The following TMOD2 variants were observed in gnomAD, a reference collection of about 807,000 sequenced individuals.
TMOD2 encodes tropomodulin-2.
Under a neutral mutation model 39.9 loss-of-function variants are expected in TMOD2, and 22 were observed. The ratio of observed to expected loss-of-function variants is 0.55; its 90% CI spans 0.39 to 0.79. TMOD2 has a LOEUF of 0.79. TMOD2 is among the 30% of genes least tolerant of loss of function. The pLI, the probability that TMOD2 is intolerant of heterozygous loss-of-function variation, is 0.00. For missense variants in TMOD2, 386 were observed against 413.3 expected, an observed-to-expected ratio of 0.93 and a Z score of 0.57; for synonymous variants, 123 against 146.1, an observed-to-expected ratio of 0.84 and a Z score of 1.14.
chr15:51,770,915 A>G (rs1040105480), intron 3 of TMOD2, among the ~76,000 whole-genome samples: 1 of 152,246 alleles, frequency 6.6e-6, no homozygotes, highest in Non-Finnish European at 1.5e-5. Context: ...TTGCTGTTGG[A>G]CTAATTTAAT....
At chr15:51,762,913 G>C (rs531708953) in intron 1 of TMOD2, among the ~76,000 whole-genome samples, 13 of 152,230 alleles carry the variant, frequency 8.5e-5, no homozygotes, top group African/African-American at 3.1e-4. Context: ...ATTCCATTAT[G>C]TGGATATACG....
intron 8 of TMOD2, among the ~76,000 whole-genome samples, chr15:51,801,276 CACACACACCCTG>C (rs1567247746): frequency 7.2e-6 from 1 of 138,760 alleles, no homozygotes; most frequent in Non-Finnish European, 1.6e-5. Flanking sequence ...CACACACACA[CACACACACCCTG>C]TCTCTCTCTC....
chr15:51,769,148 T>G (rs1477196295), intron 3 of TMOD2, among the ~76,000 whole-genome samples: 1 of 152,222 alleles, frequency 6.6e-6, no homozygotes, highest in Non-Finnish European at 1.5e-5. Flanking sequence ...GGCTAACTGC[T>G]TATGGTGTGA....
intron 5 of TMOD2, among the ~76,000 whole-genome samples, 168 bp downstream of exon 5, chr15:51,777,186 A>G (rs1472329987): frequency 6.6e-6 from 1 of 152,234 alleles, no homozygotes; most frequent in Non-Finnish European, 1.5e-5. Context: ...TGAGAGCTCC[A>G]TCTGGCGGTG....
At chr15:51,808,106 G>T (rs116175193) in intron 9 of TMOD2, among the ~76,000 whole-genome samples, 2 of 152,158 alleles carry the variant, frequency 1.3e-5, no homozygotes, top group Non-Finnish European at 2.9e-5. Context: ...TGCAAGTGCC[G>T]TGGATAAACG....
chr15:51,782,918 A>G (rs2141627788), intron 7 of TMOD2, 90 bp downstream of exon 7: 1 of 1,293,408 alleles, frequency 7.7e-7, no homozygotes. Flanking sequence ...AATTTTTTAG[A>G]TCTGGAAAAC....
chr15:51,782,927 A>G lies in TMOD2; in HGVS notation c.732+99A>G, dbSNP rs1288426093. On this transcript the variant is annotated intron_variant, in intron 7 of 9. Coordinates refer to ENST00000249700, the MANE Select transcript of TMOD2 (RefSeq NM_014548.4). Reference sequence around the variant, plus strand: ...GCTAACAATTTTTTAGATCTGGAAAACTTACCTTCTACACAGTTAGTGAGC... The same window carrying G: ...GCTAACAATTTTTTAGATCTGGAAAGCTTACCTTCTACACAGTTAGTGAGC... 8 of 1,146,940 alleles carry G rather than the reference A, an allele frequency of 7.0e-6. No homozygotes were observed. The East Asian group carries it at 1.9e-4, about 28-fold the overall frequency. The allele number at this position is 1,146,940 out of a possible 1,614,324, so 71.0% of individuals were successfully genotyped here.
chr15:51,776,685 T>G (rs971080156), intron 4 of TMOD2, among the ~76,000 whole-genome samples: 6 of 152,198 alleles, frequency 3.9e-5, no homozygotes, highest in Admixed American at 1.3e-4. Context: ...AATTAGCCAC[T>G]GTTCCTCAGA....
At chr15:51,764,670 T>G (rs1189120507) in intron 1 of TMOD2, among the ~76,000 whole-genome samples, 1 of 152,138 alleles carries the variant, frequency 6.6e-6, no homozygotes, top group Non-Finnish European at 1.5e-5. Flanking sequence ...TCTTTAGTTC[T>G]TTCCTCTCCC....
chr15:51,769,849 ACATGGCAAAACCC>A (rs745344416), intron 3 of TMOD2, among the ~76,000 whole-genome samples: 17 of 152,238 alleles, frequency 1.1e-4, no homozygotes, highest in Non-Finnish European at 2.1e-4. Context: ...AGCCTGGGAA[ACATGGCAAAACCC>A]CATCTCTAAA....
Position 51,802,190 on chromosome 15 carries a change from A to G in TMOD2, c.876+3850A>G, listed in dbSNP as rs560380173. Reference sequence around the variant, plus strand: ...TTTCTTCAGCTTCTAAGTCTTTTATATAGCTATTAGCATCTCCTTCCTCCC... The same window carrying G: ...TTTCTTCAGCTTCTAAGTCTTTTATGTAGCTATTAGCATCTCCTTCCTCCC... On this transcript the variant is annotated intron_variant, in intron 8 of 9. Transcript: ENST00000249700. Among the ~76,000 whole-genome samples, 10 of 151,886 alleles carry G rather than the reference A, an allele frequency of 6.6e-5. No individual in the cohort carries two copies. The South Asian group carries it at 2.1e-3, about 32-fold the overall frequency.
chr15:51,805,865 G>T (rs937351597), intron 8 of TMOD2, among the ~76,000 whole-genome samples: 7 of 152,274 alleles, frequency 4.6e-5, no homozygotes, highest in Admixed American at 2.0e-4. Context: ...TATTGTGATT[G>T]TACTATATGC....
chr15:51,772,170 C>T (rs1213030499), intron 3 of TMOD2, among the ~76,000 whole-genome samples: 2 of 152,152 alleles, frequency 1.3e-5, no homozygotes, highest in African/African-American at 4.8e-5. Flanking sequence ...GTGGGATAAA[C>T]CAGGCTAGCG....
chr15:51,790,875 A>G (rs996817657), intron 7 of TMOD2, among the ~76,000 whole-genome samples: 29 of 152,240 alleles, frequency 1.9e-4, no homozygotes, highest in African/African-American at 6.3e-4. Context: ...AGAGCTGTTC[A>G]TGACAAACCC....
intron 8 of TMOD2, among the ~76,000 whole-genome samples, chr15:51,806,112 C>T (rs2056119707): frequency 6.6e-6 from 1 of 152,190 alleles, no homozygotes; most frequent in African/African-American, 2.4e-5. Context: ...ATTATCCTTT[C>T]CTTCATAAAC....
chr15:51,789,662 C>G (rs1435956111), intron 7 of TMOD2, among the ~76,000 whole-genome samples: 3 of 152,216 alleles, frequency 2.0e-5, no homozygotes, highest in Non-Finnish European at 2.9e-5. Context: ...CAAACTGTCT[C>G]TCAGACCACA....
intron 1 of TMOD2, among the ~76,000 whole-genome samples, chr15:51,765,657 G>A (rs1170918165): frequency 2.0e-5 from 3 of 152,220 alleles, no homozygotes; most frequent in African/African-American, 7.2e-5. Flanking sequence ...TAGAAGTGAG[G>A]TGGTATAAAA....
At chr15:51,805,192 T>C (rs2899483) in intron 8 of TMOD2, among the ~76,000 whole-genome samples, 2,545 of 151,252 alleles carry the variant, frequency 0.017, 84 homozygotes, top group Admixed American at 0.072. Context: ...ACTCCTGACC[T>C]CAAGTGATCC....
chr15:51,791,091 T>C (rs1451207350), intron 7 of TMOD2, among the ~76,000 whole-genome samples: 1 of 152,208 alleles, frequency 6.6e-6, no homozygotes, highest in Non-Finnish European at 1.5e-5. Context: ...AACATGATTG[T>C]ATATTTAGAA....
Sources: gnomAD v4.1 joint callset for allele counts (sites outside exome capture counted in the v4.1 genomes callset) on GRCh38, gnomAD v4.1.1 for gene constraint, MANE v1.5 for transcripts, NCBI Gene and HGNC (gene_info 2026-07-23, HGNC 2026-07-21) for gene names.